ADGRL3: variants seen among roughly 807,000 people sequenced by gnomAD.
The protein encoded by ADGRL3 is calcium-independent alpha-latrotoxin receptor 3.
Under a neutral mutation model 153.5 loss-of-function variants are expected in ADGRL3, and 62 were observed. That is an observed-to-expected ratio of 0.40 (90% CI 0.33 to 0.50). The LOEUF (loss-of-function observed/expected upper bound fraction) is 0.50. Ranked by LOEUF, ADGRL3 falls within the 20% of genes least tolerant of loss-of-function variation. The pLI, the probability that ADGRL3 is intolerant of heterozygous loss-of-function variation, is 0.47. For missense variants in ADGRL3, 1,641 were observed against 1,859.4 expected (o/e 0.88, Z 2.16); for synonymous variants, 710 against 672.5 (o/e 1.06, Z -0.86).
chr4:61,373,481 A>G (rs2096565645), intron 1 of ADGRL3, among the ~76,000 whole-genome samples: 1 of 152,198 alleles, frequency 6.6e-6, no homozygotes, highest in Admixed American at 6.5e-5. Context: ...GGGAAAGTAG[A>G]AAAAATGTTA....
chr4:61,683,391 G>A (rs186916986), intron 6 of ADGRL3, among the ~76,000 whole-genome samples: 3 of 152,224 alleles, frequency 2.0e-5, no homozygotes, highest in Admixed American at 2.0e-4. Flanking sequence ...TAGCCACACG[G>A]ACACTGGAGA....
intron 25 of ADGRL3, among the ~76,000 whole-genome samples, chr4:62,052,947 A>C (rs1734989441): frequency 2.0e-5 from 3 of 151,372 alleles, no homozygotes; most frequent in African/African-American, 7.2e-5. Flanking sequence ...TTGTATTGCT[A>C]ATTCTGGTTT....
At chr4:61,796,414 T>A (rs2097412731) in intron 8 of ADGRL3, among the ~76,000 whole-genome samples, 1 of 152,098 alleles carries the variant, frequency 6.6e-6, no homozygotes, top group African/African-American at 2.4e-5. Flanking sequence ...TTGGTGGAGA[T>A]CAGAAAAGCT....
intron 1 of ADGRL3, among the ~76,000 whole-genome samples, chr4:61,302,535 G>C (rs906308082): frequency 2.0e-5 from 3 of 151,250 alleles, no homozygotes; most frequent in African/African-American, 7.3e-5. Context: ...TTTCTATTTA[G>C]ACTAAAATTC....
intron 1 of ADGRL3, among the ~76,000 whole-genome samples, chr4:61,238,702 A>G (rs1476375594): frequency 6.6e-6 from 1 of 152,092 alleles, no homozygotes; most frequent in Non-Finnish European, 1.5e-5. Context: ...TTAACCACTT[A>G]CTTTTCAATG....
At chr4:61,770,310 T>C (rs1030172929) in intron 8 of ADGRL3, among the ~76,000 whole-genome samples, 4 of 152,042 alleles carry the variant, frequency 2.6e-5, no homozygotes, top group Non-Finnish European at 4.4e-5. Context: ...ACTGAAGCAG[T>C]TTGTTTTCAA....
chr4:61,586,040 T>C (rs984197294), intron 4 of ADGRL3, among the ~76,000 whole-genome samples: 1 of 151,870 alleles, frequency 6.6e-6, no homozygotes, highest in African/African-American at 2.4e-5. Flanking sequence ...ACAAGTAAAG[T>C]AGTACAAGTT....
chr4:61,975,152 T>C (rs962513840), intron 17 of ADGRL3, among the ~76,000 whole-genome samples: 1 of 152,104 alleles, frequency 6.6e-6, no homozygotes, highest in Non-Finnish European at 1.5e-5. Flanking sequence ...TATTAAAATA[T>C]ATAGTTTAAG....
At chr4:61,719,470 G>A (rs112313270) in intron 6 of ADGRL3, among the ~76,000 whole-genome samples, 127 of 152,252 alleles carry the variant, frequency 8.3e-4, no homozygotes, top group Non-Finnish European at 1.7e-3. Context: ...CAAGTGTACT[G>A]TAAGATACAT....
chr4:61,683,439 C>T (rs2095379953), intron 6 of ADGRL3, among the ~76,000 whole-genome samples: 1 of 151,992 alleles, frequency 6.6e-6, no homozygotes, highest in African/African-American at 2.4e-5. Flanking sequence ...AAGGAAAGCT[C>T]TCAGCAATGA....
At chr4:61,662,130 C>T (rs557219184) in intron 5 of ADGRL3, among the ~76,000 whole-genome samples, 1 of 152,312 alleles carries the variant, frequency 6.6e-6, no homozygotes, top group African/African-American at 2.4e-5. Context: ...GACGGAAGTC[C>T]CATTCCCTTC....
At chr4:61,386,384 A>G (rs997323485) in intron 2 of ADGRL3, among the ~76,000 whole-genome samples, 2 of 152,176 alleles carry the variant, frequency 1.3e-5, no homozygotes, top group African/African-American at 2.4e-5. Flanking sequence ...ATTCTAAGTG[A>G]TTAAACTTGT....
intron 4 of ADGRL3, among the ~76,000 whole-genome samples, chr4:61,572,966 A>G (rs1415444606): frequency 1.3e-5 from 2 of 151,980 alleles, no homozygotes; most frequent in African/African-American, 2.4e-5. Flanking sequence ...AAAAATTCAG[A>G]TAATTTACAT....
chr4:61,515,765 T>C (rs1167212624), intron 3 of ADGRL3, among the ~76,000 whole-genome samples: 1 of 152,194 alleles, frequency 6.6e-6, no homozygotes, highest in East Asian at 1.9e-4. Context: ...AGAGAAAACA[T>C]GCCTGTATAT....
intron 2 of ADGRL3, among the ~76,000 whole-genome samples, chr4:61,444,047 C>A (rs555385629): frequency 1.3e-5 from 2 of 152,228 alleles, no homozygotes; most frequent in African/African-American, 2.4e-5. Flanking sequence ...GTAATACAGA[C>A]AAAGGGACTG....
At chr4:61,757,128 G>A (rs1275992990) in intron 8 of ADGRL3, among the ~76,000 whole-genome samples, 1 of 152,154 alleles carries the variant, frequency 6.6e-6, no homozygotes, top group Non-Finnish European at 1.5e-5. Flanking sequence ...GATGATGCTG[G>A]CCTCATAAAA....
intron 9 of ADGRL3, among the ~76,000 whole-genome samples, chr4:61,824,750 C>A (rs1044633664): frequency 6.6e-6 from 1 of 152,182 alleles, no homozygotes; most frequent in Non-Finnish European, 1.5e-5. Flanking sequence ...TGCACACACA[C>A]ACATGCCACT....
chr4:61,829,282 A>C (rs1198473524), intron 9 of ADGRL3, among the ~76,000 whole-genome samples: 1 of 152,234 alleles, frequency 6.6e-6, no homozygotes, highest in Non-Finnish European at 1.5e-5. Flanking sequence ...ATTAGTGACC[A>C]AACAAATGAA....
chr4:61,793,484 C>A (rs1301341639), intron 8 of ADGRL3, among the ~76,000 whole-genome samples: 1 of 152,046 alleles, frequency 6.6e-6, no homozygotes, highest in Non-Finnish European at 1.5e-5. Flanking sequence ...GAGAACAGCA[C>A]GAGAAAGACC....
Sources: allele counts gnomAD v4.1 joint callset (sites outside exome capture counted in the v4.1 genomes callset), GRCh38; gene constraint gnomAD v4.1.1; transcripts MANE v1.5; gene names NCBI Gene and HGNC (gene_info 2026-07-23, HGNC 2026-07-21).